BORCS8: variants seen among roughly 807,000 people sequenced by gnomAD.
BORCS8 encodes the protein BLOC-1-related complex subunit 8.
A neutral mutation model predicts 18.7 loss-of-function variants in BORCS8; 13 were observed. That is an observed-to-expected ratio of 0.70 (90% confidence interval 0.45 to 1.11). The LOEUF (loss-of-function observed/expected upper bound fraction) is 1.11. BORCS8 is among the 50% of genes least tolerant of loss of function. The pLI, the probability that BORCS8 is intolerant of heterozygous loss-of-function variation, is 0.00. For synonymous variants in BORCS8, 68 were observed against 64.8 expected, an observed-to-expected ratio of 1.05 and a Z score of -0.24; for missense variants, 165 against 165.7, an observed-to-expected ratio of 1.00 and a Z score of 0.02.
At position 19,186,889 on chromosome 19, in the gene BORCS8, T is replaced by A. The variant is rs997680937; in HGVS notation, c.150+4A>T. ...CCTGCTCCTCCCAGCAGGCCCCAGCTCACCTTGTGCTGGGCCAGCTCGGGG... is the reference window on the plus strand; with the variant it reads ...CCTGCTCCTCCCAGCAGGCCCCAGCACACCTTGTGCTGGGCCAGCTCGGGG... On this transcript the variant is annotated splice_donor_region_variant and intron_variant, in intron 2 of 5. Transcript: ENST00000462790. The A allele has an allele frequency of 3.9e-6, 6 of 1,539,314 alleles. No homozygotes were observed. The highest frequency in any genetic ancestry group is 5.3e-6 in the Non-Finnish European group (6 of 1,140,060).
intron 1 of BORCS8, among the ~76,000 whole-genome samples, chr19:19,190,845 G>A (rs142276484): frequency 6.6e-6 from 1 of 152,184 alleles, no homozygotes; most frequent in East Asian, 1.9e-4. Context: ...GGTGGCTCAT[G>A]CCTCATACTC....
chr19:19,187,017 T>A lies in BORCS8; in HGVS notation c.38-12A>T. 6.5e-7 allele frequency: 1 copy of A among 1,542,590 alleles called. No individual in the cohort carries two copies. Among genetic ancestry groups the A allele is most frequent in the Non-Finnish European group, 8.8e-7 (1 of 1,140,042 alleles). On this transcript the variant is annotated splice_polypyrimidine_tract_variant and intron_variant, in intron 1 of 5. Coordinates refer to ENST00000462790, the MANE Select transcript of BORCS8 (RefSeq NM_001145784.2). ...GAACTTGTCCGTGACTAGATACAGG[T>A]GGTAGGGATGGGGCGGGTGTGGGGA...
Position 19,180,725 on chromosome 19 carries a change from G to A in BORCS8, c.*3C>T. The A allele has an allele frequency of 6.4e-7, 1 of 1,550,680 alleles. No homozygotes were observed. The highest frequency in any genetic ancestry group is 1.4e-5 in the African/African-American group (1 of 73,146). ...GCTGGGGGGCCCCGAGTCTCTTCCA[G>A]GATCAGGCTGAGGAGGGCGGGGGTG... On this transcript the variant is annotated 3_prime_UTR_variant, in exon 5 of 6. Transcript: ENST00000462790.
intron 1 of BORCS8, among the ~76,000 whole-genome samples, chr19:19,189,695 G>A (rs2060447337): frequency 6.6e-6 from 1 of 152,074 alleles, no homozygotes; most frequent in Admixed American, 6.6e-5. Context: ...GCAGGAGGAT[G>A]GATTCAGCCT....
intron 4 of BORCS8, 145 bp from the exon 5 acceptor site, chr19:19,180,906 A>G (rs1373006558): frequency 2.3e-6 from 2 of 863,414 alleles, no homozygotes; most frequent in East Asian, 5.7e-5. Flanking sequence ...TAAAAGTGGG[A>G]TGAGTGGGCC....
chr19:19,185,171 C>T (rs918897239), intron 3 of BORCS8, among the ~76,000 whole-genome samples: 5 of 152,234 alleles, frequency 3.3e-5, no homozygotes, highest in Admixed American at 6.5e-5. Context: ...TAGGCACCTT[C>T]GCCCACACAA....
intron 4 of BORCS8, among the ~76,000 whole-genome samples, chr19:19,181,190 G>A (rs1316692121): frequency 6.8e-6 from 1 of 147,208 alleles, no homozygotes; most frequent in Non-Finnish European, 1.5e-5. Context: ...GTGAGGCTCT[G>A]TCTTGAAAAA....
intron 3 of BORCS8, among the ~76,000 whole-genome samples, chr19:19,183,620 T>G (rs1479639283): frequency 1.4e-5 from 2 of 147,744 alleles, no homozygotes; most frequent in Non-Finnish European, 3.0e-5. Flanking sequence ...ATTTCGCTCT[T>G]GTTGCCCAGG....
intron 4 of BORCS8, among the ~76,000 whole-genome samples, chr19:19,180,964 G>A (rs2060342883): frequency 6.6e-6 from 1 of 152,140 alleles, no homozygotes; most frequent in African/African-American, 2.4e-5. Context: ...GGAGGCTGAG[G>A]TGGGTGGATC....
intron 1 of BORCS8, 21 bp downstream of exon 1, chr19:19,192,060 C>T (rs1466159920): frequency 6.4e-7 from 1 of 1,551,406 alleles, no homozygotes; most frequent in Non-Finnish European, 8.7e-7. Context: ...CCCCTCTGTC[C>T]CGCCCGCAGG....
chr19:19,184,286 TG>T, intron 3 of BORCS8, among the ~76,000 whole-genome samples: 1 of 147,944 alleles, frequency 6.8e-6, no homozygotes, highest in East Asian at 2.0e-4. Context: ...GGTTTTTTGT[TG>T]GTTTTTTTTT....
chr19:19,189,572 C>T (rs2060445965), intron 1 of BORCS8, among the ~76,000 whole-genome samples: 1 of 152,170 alleles, frequency 6.6e-6, no homozygotes, highest in Admixed American at 6.5e-5. Context: ...CCTCCCAGCA[C>T]TGCCCAGAAC....
At chr19:19,190,800 AAG>A (rs538179349) in intron 1 of BORCS8, among the ~76,000 whole-genome samples, 64 of 152,152 alleles carry the variant, frequency 4.2e-4, no homozygotes, top group African/African-American at 1.4e-3. Context: ...AATAAAAAAA[AAG>A]AAGAAGAAAG....
chr19:19,183,042 A>G (rs1459561325), intron 3 of BORCS8, among the ~76,000 whole-genome samples: 2 of 152,200 alleles, frequency 1.3e-5, no homozygotes, highest in African/African-American at 2.4e-5. Flanking sequence ...TCAAGAGGCC[A>G]AGGCAAGAGG....
Position 19,180,750 on chromosome 19 carries a change from G to A in BORCS8, c.338C>T (p.Pro113Leu). 8 of 1,548,650 alleles carry A rather than the reference G, an allele frequency of 5.2e-6. No homozygotes were observed. The highest frequency in any genetic ancestry group is 7.0e-6 in the Non-Finnish European group (8 of 1,145,868). ...ASAQGHSPEE[P>L]PPPSSA The stretch of plus-strand genomic sequence containing the variant: ...GGATCAGGCTGAGGAGGGCGGGGGT[G>A]GTTCCTCCGGGCTGCAACAAAACAT... Residue 113 changes from proline to leucine, a missense_variant, in exon 5 of 6, where the codon CCA becomes CTA. Coordinates refer to ENST00000462790, the MANE Select transcript of BORCS8 (RefSeq NM_001145784.2).
chr19:19,181,813 A>G (rs906687636), intron 4 of BORCS8: 3 of 970,726 alleles, frequency 3.1e-6, no homozygotes, highest in East Asian at 2.3e-4. Flanking sequence ...CAGGCCTGCC[A>G]GAACCCCAAT....
intron 3 of BORCS8, 133 bp downstream of exon 3, chr19:19,185,901 C>G (rs1390841460): frequency 3.4e-6 from 3 of 871,536 alleles, no homozygotes; most frequent in Non-Finnish European, 5.4e-6. Context: ...AATCGTGGTA[C>G]AGACCCCATA....
chr19:19,191,073 C>T (rs1013926956), intron 1 of BORCS8, among the ~76,000 whole-genome samples: 1 of 152,094 alleles, frequency 6.6e-6, no homozygotes, highest in Non-Finnish European at 1.5e-5. Context: ...AGGGGATTAG[C>T]TGGGTGCAGT....
intron 4 of BORCS8, chr19:19,181,754 G>T: frequency 3.4e-6 from 2 of 580,898 alleles, no homozygotes; most frequent in Non-Finnish European, 4.3e-6. Context: ...CAATTTTCGC[G>T]TCTTAGTTAA....
Sources: gnomAD v4.1 joint callset for allele counts (sites outside exome capture counted in the v4.1 genomes callset) on GRCh38, gnomAD v4.1.1 for gene constraint, MANE v1.5 for transcripts, NCBI Gene and HGNC (gene_info 2026-07-23, HGNC 2026-07-21) for gene names.